The following TMEM108 variants were observed in gnomAD, a reference collection of about 807,000 sequenced individuals.
The protein encoded by TMEM108 is transmembrane protein 108, also known as cancer/testis antigen 124.
In TMEM108, 12 loss-of-function variants were observed where a neutral mutation model predicts 35.1. The observed-to-expected ratio is 0.34, with a 90% CI of 0.22 to 0.55. The LOEUF (loss-of-function observed/expected upper bound fraction) is 0.55, where lower values mean the gene tolerates loss of function less well. Among genes scored for constraint, TMEM108 ranks in the 20% least tolerant of loss-of-function variants. The pLI, the probability that TMEM108 is intolerant of heterozygous loss-of-function variation, is 0.89. For missense variants in TMEM108, 680 were observed against 753.3 expected (o/e 0.90, Z 1.14); for synonymous variants, 287 against 308.6 (o/e 0.93, Z 0.73).
rs533558742 is a variant in TMEM108, at chr3:133,044,940, T to C, written c.-165-962T>C. 2.0e-5 allele frequency among the ~76,000 whole-genome samples: 3 copies of C among 150,938 alleles called. No homozygotes were observed. The South Asian group carries it at 6.3e-4, about 32-fold the overall frequency. Reference sequence around the variant, plus strand: ...CAGTACATAGTGAGACCCTGTCTCTTAAAAAAATTCTGAAGTGCTGCTTTT... The same window carrying C: ...CAGTACATAGTGAGACCCTGTCTCTCAAAAAAATTCTGAAGTGCTGCTTTT... On this transcript the variant is annotated intron_variant, in intron 1 of 5. Coordinates refer to ENST00000321871, the MANE Select transcript of TMEM108 (RefSeq NM_023943.4).
intron 2 of TMEM108, among the ~76,000 whole-genome samples, chr3:133,197,089 A>G (rs1435808616): frequency 1.3e-5 from 2 of 152,256 alleles, no homozygotes; most frequent in East Asian, 1.9e-4. Flanking sequence ...ATGCAGGCAC[A>G]CAATATCCAT....
chr3:133,113,478 G>A (rs1021914260), intron 2 of TMEM108, among the ~76,000 whole-genome samples: 10 of 152,076 alleles, frequency 6.6e-5, no homozygotes, highest in African/African-American at 1.7e-4. Context: ...ATCTATGAGC[G>A]ATGAGCCATA....
chr3:133,085,387 TTTATAATGGAAAAAGTTTATATA>T (rs1943868765), intron 2 of TMEM108, among the ~76,000 whole-genome samples: 1 of 148,572 alleles, frequency 6.7e-6, no homozygotes, highest in Non-Finnish European at 1.5e-5. Flanking sequence ...TTATTTTACT[TTTATAATGGAAAAAGTTTATATA>T]CAAAGCAAAA....
In TMEM108 at chr3:133,201,749, C is replaced by T. The variant is rs544668905; in HGVS notation, c.-46-27517C>T. 6.6e-5 allele frequency among the ~76,000 whole-genome samples: 10 copies of T among 152,114 alleles called. No homozygotes were observed. In the South Asian group the frequency reaches 1.7e-3, roughly 25 times the overall value. ...AAGTCTTTGCTGCTGTGAATAGTGC[C>T]GCAGTAAACATACATGTGCATGTGT... On this transcript the variant is annotated intron_variant, in intron 2 of 5. Transcript: ENST00000321871.
chr3:133,213,405 C>T (rs988659894), intron 2 of TMEM108, among the ~76,000 whole-genome samples: 1 of 152,200 alleles, frequency 6.6e-6, no homozygotes, highest in Non-Finnish European at 1.5e-5. Flanking sequence ...GCAGGCCTGC[C>T]ATTGTGCTTG....
At chr3:133,129,355 C>T (rs796678372) in intron 2 of TMEM108, among the ~76,000 whole-genome samples, 46 of 134,512 alleles carry the variant, frequency 3.4e-4, no homozygotes, top group African/African-American at 1.1e-3. Context: ...CACACCCCCC[C>T]CCCCAAAAAA....
intron 2 of TMEM108, among the ~76,000 whole-genome samples, chr3:133,157,493 A>G (rs960934240): frequency 2.6e-5 from 4 of 152,242 alleles, no homozygotes; most frequent in Admixed American, 6.5e-5. Flanking sequence ...CCTGAGTCTT[A>G]TAAGTTTGGG....
At chr3:133,064,740 C>T (rs75746842) in intron 2 of TMEM108, among the ~76,000 whole-genome samples, 4,164 of 149,648 alleles carry the variant, frequency 0.028, 103 homozygotes, top group South Asian at 0.061. Context: ...CAGTTAAGCA[C>T]GTGATAGAGG....
chr3:133,158,465 T>TAAAAAAAAAAAAAAA (rs11328701), intron 2 of TMEM108, among the ~76,000 whole-genome samples: 1 of 80,622 alleles, frequency 1.2e-5, no homozygotes, highest in Non-Finnish European at 2.3e-5. Flanking sequence ...AGACTCTGTC[T>TAAAAAAAAAAAAAAA]AAAAAAAAAA....
intron 3 of TMEM108, among the ~76,000 whole-genome samples, chr3:133,295,163 T>A (rs1947126326): frequency 6.6e-6 from 1 of 152,180 alleles, no homozygotes; most frequent in Non-Finnish European, 1.5e-5. Flanking sequence ...TTTATTTCAT[T>A]AAAAGGGCAA....
intron 2 of TMEM108, among the ~76,000 whole-genome samples, chr3:133,172,523 T>A (rs570400669): frequency 1.7e-4 from 26 of 152,360 alleles, no homozygotes; most frequent in Middle Eastern, 3.4e-3. Context: ...GCACATCTTG[T>A]GTTAAGTAAA....
At chr3:133,275,763 C>G (rs74982926) in intron 3 of TMEM108, among the ~76,000 whole-genome samples, 1,747 of 152,064 alleles carry the variant, frequency 0.011, 40 homozygotes, top group African/African-American at 0.04. Context: ...TAAAGAAAGA[C>G]AATAAATAGC....
rs183442663 is a variant in TMEM108, at chr3:133,396,084, C to T, written c.*98C>T. The T allele has an allele frequency of 6.5e-5, 60 of 921,378 alleles. No individual in the cohort carries two copies. The African/African-American group carries it at 9.1e-4, about 14-fold the overall frequency. 57.1% of individuals were successfully genotyped at this position (921,378 alleles called of 1,614,324 possible). ...AAATATAACCTTTGTGTAACCCTGA[C>T]TTAATGAGAAACATTTTCAGCTTTT... On this transcript the variant is annotated 3_prime_UTR_variant, in exon 6 of 6. Coordinates refer to ENST00000321871, the MANE Select transcript of TMEM108 (RefSeq NM_023943.4).
chr3:133,242,167 TTA>T (rs1415104777), intron 3 of TMEM108, among the ~76,000 whole-genome samples: 2 of 152,166 alleles, frequency 1.3e-5, no homozygotes, highest in African/African-American at 2.4e-5. Flanking sequence ...AGATGCTTAA[TTA>T]TATCTGCAAA....
chr3:133,039,991 A>G (rs1015016372), intron 1 of TMEM108, among the ~76,000 whole-genome samples: 4 of 152,206 alleles, frequency 2.6e-5, no homozygotes, highest in African/African-American at 7.2e-5. Flanking sequence ...TGTTAGGGGT[A>G]TCAAATTCAG....
At chr3:133,213,081 A>G (rs937764134) in intron 2 of TMEM108, among the ~76,000 whole-genome samples, 1 of 152,062 alleles carries the variant, frequency 6.6e-6, no homozygotes, top group Non-Finnish European at 1.5e-5. Context: ...AGCCTGAGAG[A>G]CATTCATATT....
chr3:133,245,664 A>C (rs987779642), intron 3 of TMEM108, among the ~76,000 whole-genome samples: 1 of 152,246 alleles, frequency 6.6e-6, no homozygotes, highest in African/African-American at 2.4e-5. Context: ...GAAACATGGC[A>C]TTAAAGTGGA....
At chr3:133,392,158 T>G (rs998191594) in intron 5 of TMEM108, among the ~76,000 whole-genome samples, 2 of 151,340 alleles carry the variant, frequency 1.3e-5, no homozygotes, top group African/African-American at 2.4e-5. Flanking sequence ...TTTTTTTGGT[T>G]GTTGTTTTGT....
At chr3:133,092,804 A>G (rs1475049208) in intron 2 of TMEM108, among the ~76,000 whole-genome samples, 3 of 152,148 alleles carry the variant, frequency 2.0e-5, no homozygotes, top group South Asian at 2.1e-4. Context: ...TATTTATATT[A>G]TAATACATTC....
Sources: gnomAD v4.1 joint callset for allele counts (sites outside exome capture counted in the v4.1 genomes callset) on GRCh38, gnomAD v4.1.1 for gene constraint, MANE v1.5 for transcripts, NCBI Gene and HGNC (gene_info 2026-07-23, HGNC 2026-07-21) for gene names.